CD24: variants seen among roughly 807,000 people sequenced by gnomAD.
CD24 encodes signal transducer CD24.
A neutral mutation model predicts 3.6 loss-of-function variants in CD24; 2 were observed. That is an observed-to-expected ratio of 0.56 (90% CI 0.23 to 1.77). The LOEUF is 1.77. Among genes scored for constraint, CD24 ranks in the 40% most tolerant of loss-of-function variants. CD24 has a pLI of 0.18. For missense variants in CD24, 62 were observed against 93.6 expected, an observed-to-expected ratio of 0.66 and a Z score of 1.39; for synonymous variants, 33 against 44.9, an observed-to-expected ratio of 0.74 and a Z score of 1.06.
Position 106,971,713 on chromosome 6 carries a change from G to T in CD24, c.191C>A (p.Ser64Ter). 1 of 1,547,464 alleles carries T rather than the reference G, an allele frequency of 6.5e-7. No individual in the cohort carries two copies. Among genetic ancestry groups the T allele is most frequent in the South Asian group, 1.2e-5 (1 of 83,908 alleles). Residue 64 changes from serine to a stop codon, truncating the protein, a stop_gained, in exon 2 of 2, where the codon TCA becomes TAA. Coordinates refer to ENST00000606017, the MANE Select transcript of CD24 (RefSeq NM_001359084.1). LOFTEE classifies it high-confidence loss of function. ...TGAGACCACGAAGAGACTGGCTGTT[G>T]ACTGCAGGGCACCACCAGCCGCCTT... Reference protein sequence around the residue: ...TTKAAGGALQSTASLFVVSLS... With the variant: ...TTKAAGGALQ
At chr6:106,974,156 C>G (rs1476315038) in intron 1 of CD24, 1 of 383,732 alleles carries the variant, frequency 2.6e-6, no homozygotes, top group Non-Finnish European at 4.6e-6. Flanking sequence ...GCGCGGGGAG[C>G]GCGAAGACAT....
chr6:106,974,728 G>T lies in CD24; in HGVS notation c.-82C>A. 7 of 1,412,596 alleles carry T rather than the reference G, an allele frequency of 5.0e-6. No individual in the cohort carries two copies. The highest frequency in any genetic ancestry group is 6.5e-6 in the Non-Finnish European group (7 of 1,072,818). 87.5% of individuals were successfully genotyped at this position (1,412,596 alleles called of 1,614,324 possible). Reference sequence around the variant, plus strand: ...CTGGCTCCGGGCGGGCGCAGGCAAGGTGGGGAGCGCGGCGAGCCGGCGAGA... The same window carrying T: ...CTGGCTCCGGGCGGGCGCAGGCAAGTTGGGGAGCGCGGCGAGCCGGCGAGA... On this transcript the variant is annotated 5_prime_UTR_variant, in exon 1 of 2. Transcript: ENST00000606017.
intron 1 of CD24, chr6:106,973,766 C>T (rs1773032583): frequency 2.5e-6 from 1 of 398,430 alleles, no homozygotes. Flanking sequence ...CAGCGCTGCG[C>T]GGCCCCGGGT....
chr6:106,972,952 GACA>G (rs1773009410), intron 1 of CD24, among the ~76,000 whole-genome samples: 2 of 152,062 alleles, frequency 1.3e-5, no homozygotes, highest in Non-Finnish European at 2.9e-5. Flanking sequence ...ATAGATTAGT[GACA>G]ACAACAAAAA....
chr6:106,974,627 G>T lies in CD24; in HGVS notation c.20C>A (p.Ala7Asp). 6.7e-7 allele frequency: 1 copy of T among 1,481,858 alleles called. No homozygotes were observed. The highest frequency in any genetic ancestry group is 8.9e-7 in the Non-Finnish European group (1 of 1,120,994). 91.8% of individuals were successfully genotyped at this position (1,481,858 alleles called of 1,614,324 possible). MGRAMV[A>D]RLGLGLLLLA... ...CAGCAGCAGCCCCAGCCCGAGCCTGGCCACCATTGCTCTGCCCATGTCCCC... is the reference window on the plus strand; with the variant it reads ...CAGCAGCAGCCCCAGCCCGAGCCTGTCCACCATTGCTCTGCCCATGTCCCC... Residue 7 changes from alanine to aspartate, a missense_variant, in exon 1 of 2, where the codon GCC (alanine) becomes GAC (aspartate). Physicochemically the swap from Ala to Asp is moderately radical, Grantham distance 126. Coordinates refer to ENST00000606017, the MANE Select transcript of CD24 (RefSeq NM_001359084.1).
At position 106,971,853 on chromosome 6, in the gene CD24, T is replaced by C; in HGVS notation, c.70-19A>G. Reference sequence around the variant, plus strand: ...AATAAATCTAAAATACATAAAAAGTTACATGGATACATTTCCACATCACAG... The same window carrying C: ...AATAAATCTAAAATACATAAAAAGTCACATGGATACATTTCCACATCACAG... On this transcript the variant is annotated intron_variant, in intron 1 of 1. Coordinates refer to ENST00000606017, the MANE Select transcript of CD24 (RefSeq NM_001359084.1). 4.1e-6 allele frequency: 6 copies of C among 1,474,854 alleles called. No individual in the cohort carries two copies. Among genetic ancestry groups the C allele is most frequent in the Non-Finnish European group, 4.6e-6 (5 of 1,079,856 alleles). The allele number at this position is 1,474,854 out of a possible 1,614,324, so 91.4% of individuals were successfully genotyped here.
At chr6:106,974,072 A>C (rs2114900878) in intron 1 of CD24, 1 of 397,168 alleles carries the variant, frequency 2.5e-6, no homozygotes, top group South Asian at 1.4e-4. Context: ...CGGGATACCC[A>C]ATCCAACTCC....
chr6:106,973,460 C>A (rs1357835317), intron 1 of CD24: 1 of 391,028 alleles, frequency 2.6e-6, no homozygotes, highest in African/African-American at 2.1e-5. Flanking sequence ...CAATAGGGTA[C>A]GGTTACCCCG....
chr6:106,975,385 C>G (rs928298084), upstream of CD24: 4 of 151,256 alleles, frequency 2.6e-5, no homozygotes, highest in African/African-American at 9.7e-5. Flanking sequence ...CGACGGGACC[C>G]GGGCGCCGCC....
chr6:106,975,592 C>G (rs1290065970), upstream of CD24: 1 of 152,304 alleles, frequency 6.6e-6, no homozygotes, highest in Non-Finnish European at 1.5e-5. Context: ...GGGAGCCGCT[C>G]GCTGGGCGCA....
chr6:106,974,589 G>C lies in CD24; in HGVS notation c.58C>G (p.Leu20Val), dbSNP rs906942985. 6.9e-7 allele frequency: 1 copy of C among 1,452,998 alleles called. No homozygotes were observed. Among genetic ancestry groups the C allele is most frequent in the Non-Finnish European group, 9.0e-7 (1 of 1,112,220 alleles). The allele number at this position is 1,452,998 out of a possible 1,614,324, so 90.0% of individuals were successfully genotyped here. Residue 20 changes from leucine to valine, a missense_variant, in exon 1 of 2, where the codon CTA becomes GTA. Leu to Val is a conservative substitution (Grantham distance 32, BLOSUM62 1). Transcript: ENST00000606017. ...GLGLLLLALL[L>V]PTQIYSSETT... ...CGCCAGGGCCTCACCTGCGTGGGTA[G>C]GAGCAGTGCCAGCAGCAGCAGCCCC...
chr6:106,970,884 C>G lies in CD24; in HGVS notation c.*777G>C, dbSNP rs1772955024. ...ATTCTACTCTTTGGAATCCGTTTAG[C>G]TAAATGAATGTAGTGCTCTTGTTGA... On this transcript the variant is annotated 3_prime_UTR_variant, in exon 2 of 2. Coordinates refer to ENST00000606017, the MANE Select transcript of CD24 (RefSeq NM_001359084.1). 3.3e-5 allele frequency: 5 copies of G among 152,304 alleles called. No homozygotes were observed. The South Asian group carries it at 1.0e-3, about 32-fold the overall frequency. The allele number at this position is 152,304 out of a possible 1,614,324, so 9.4% of individuals were successfully genotyped here.
chr6:106,970,323 A>T lies in CD24; in HGVS notation c.*1338T>A, dbSNP rs1772938017. 6.6e-6 allele frequency: 1 copy of T among 152,646 alleles called. No individual in the cohort carries two copies. Among genetic ancestry groups the T allele is most frequent in the Non-Finnish European group, 1.5e-5 (1 of 68,048 alleles). 9.5% of individuals were successfully genotyped at this position (152,646 alleles called of 1,614,324 possible). A position where few individuals can be genotyped will look rare whatever the true frequency, so the allele number is the denominator to read the frequency against. ...CATAGTTGTTTTTTAAAGAAAAAAA[A>T]TGTATATACAGAAAGAGTATAAAAG... On this transcript the variant is annotated 3_prime_UTR_variant, in exon 2 of 2. Coordinates refer to ENST00000606017, the MANE Select transcript of CD24 (RefSeq NM_001359084.1).
chr6:106,974,823 G>A (rs1326218679), upstream of CD24: 6 of 448,396 alleles, frequency 1.3e-5, no homozygotes, highest in Non-Finnish European at 2.2e-5. Context: ...CCCCTCCGCC[G>A]CCGCCCGCCG....
chr6:106,975,903 A>G (rs1224186459), upstream of CD24, among the ~76,000 whole-genome samples: 1 of 152,268 alleles, frequency 6.6e-6, no homozygotes, highest in Admixed American at 6.5e-5. Context: ...ACTTATCCGT[A>G]GTTGCCATTA....
chr6:106,975,989 C>A (rs1402489147), upstream of CD24, among the ~76,000 whole-genome samples: 5 of 152,184 alleles, frequency 3.3e-5, no homozygotes, highest in East Asian at 9.6e-4. Flanking sequence ...TTTTTCCTAT[C>A]CATCTTATTG....
chr6:106,973,090 G>A (rs1773012882), intron 1 of CD24, among the ~76,000 whole-genome samples: 1 of 152,134 alleles, frequency 6.6e-6, no homozygotes, highest in Admixed American at 6.5e-5. Context: ...AAAACAGGGT[G>A]CCTGTTTTGG....
Position 106,971,795 on chromosome 6 carries a change from A to T in CD24, c.109T>A (p.Ser37Thr). 6.4e-7 allele frequency: 1 copy of T among 1,550,880 alleles called. No individual in the cohort carries two copies. The highest frequency in any genetic ancestry group is 8.7e-7 in the Non-Finnish European group (1 of 1,146,514). The change falls in exon 2 of 2, where the codon TCC (serine) becomes ACC (threonine). Residue 37 changes from serine (S) to threonine (T), a missense_variant. Physicochemically the swap from Ser to Thr is moderately conservative, Grantham distance 58 (BLOSUM62 1). Transcript: ENST00000606017. ...CCAGAGTTGGAAGTACTCTGGGAGG[A>T]GTTACTTGAAGTTCCAGTTGTTGTT... ...SETTTGTSSN[S>T]SQSTSNSGLA...
chr6:106,971,613 G>T lies in CD24; in HGVS notation c.*48C>A. On this transcript the variant is annotated 3_prime_UTR_variant, in exon 2 of 2. Coordinates refer to ENST00000606017, the MANE Select transcript of CD24 (RefSeq NM_001359084.1). ...GGACTTCCAGACGCCATTTGGATTGGGTTTAGAAGATGGGGAAATTTAGAA... is the reference window on the plus strand; with the variant it reads ...GGACTTCCAGACGCCATTTGGATTGTGTTTAGAAGATGGGGAAATTTAGAA... 6.6e-7 allele frequency: 1 copy of T among 1,507,632 alleles called. No individual in the cohort carries two copies. Among genetic ancestry groups the T allele is most frequent in the Non-Finnish European group, 9.0e-7 (1 of 1,113,634 alleles). 93.4% of individuals were successfully genotyped at this position (1,507,632 alleles called of 1,614,324 possible).
Sources: gnomAD v4.1 joint callset for allele counts (sites outside exome capture counted in the v4.1 genomes callset) on GRCh38, gnomAD v4.1.1 for gene constraint, MANE v1.5 for transcripts, NCBI Gene and HGNC (gene_info 2026-07-23, HGNC 2026-07-21) for gene names.